The following DSCAM variants were observed in gnomAD, a reference collection of about 807,000 sequenced individuals.
DSCAM encodes the protein DS cell adhesion molecule.
In DSCAM, 47 loss-of-function variants were observed where a neutral mutation model predicts 217.7. That is an observed-to-expected ratio of 0.22 (90% confidence interval 0.17 to 0.28). The LOEUF is 0.28. Ranked by LOEUF, DSCAM falls within the 10% of genes least tolerant of loss-of-function variation. The pLI is 1.00. For synonymous variants in DSCAM, 1,056 were observed against 1,015.3 expected (o/e 1.04, Z -0.76); for missense variants, 2,080 against 2,618.3 (o/e 0.79, Z 4.49).
At chr21:40,426,236 C>G (rs2075473764) in intron 3 of DSCAM, among the ~76,000 whole-genome samples, 1 of 152,246 alleles carries the variant, frequency 6.6e-6, no homozygotes, top group South Asian at 2.1e-4. Context: ...ACTGCTGTCA[C>G]AGTTAACAGA....
intron 20 of DSCAM, among the ~76,000 whole-genome samples, chr21:40,099,850 T>C (rs1055583111): frequency 6.6e-6 from 1 of 152,158 alleles, no homozygotes; most frequent in Non-Finnish European, 1.5e-5. Context: ...TTCCCTCTTA[T>C]GGGTGGAAGA....
intron 3 of DSCAM, among the ~76,000 whole-genome samples, chr21:40,502,331 T>A (rs1160959176): frequency 6.6e-6 from 1 of 152,174 alleles, no homozygotes; most frequent in Non-Finnish European, 1.5e-5. Context: ...ATATCATACA[T>A]CATGGATTTT....
intron 6 of DSCAM, among the ~76,000 whole-genome samples, chr21:40,342,467 T>TTA (rs1429214421): frequency 2.6e-5 from 4 of 151,662 alleles, no homozygotes; most frequent in Non-Finnish European, 5.9e-5. Context: ...GCTTTATACT[T>TTA]TATATTCAAT....
intron 11 of DSCAM, among the ~76,000 whole-genome samples, chr21:40,273,488 G>T (rs1332717613): frequency 6.6e-6 from 1 of 152,182 alleles, no homozygotes; most frequent in African/African-American, 2.4e-5. Flanking sequence ...CGAACAGAGA[G>T]TTACTCTTGC....
At chr21:40,423,404 A>T (rs2075443417) in intron 3 of DSCAM, among the ~76,000 whole-genome samples, 1 of 152,166 alleles carries the variant, frequency 6.6e-6, no homozygotes, top group African/African-American at 2.4e-5. Context: ...CTTCCTAAAC[A>T]CACTGCGCAT....
intron 4 of DSCAM, among the ~76,000 whole-genome samples, chr21:40,358,728 G>A (rs905067473): frequency 5.3e-5 from 8 of 151,482 alleles, no homozygotes; most frequent in African/African-American, 1.9e-4. Flanking sequence ...CTTGAACCCG[G>A]GAAGCGGAGG....
chr21:40,195,506 G>C (rs867848821), intron 11 of DSCAM, among the ~76,000 whole-genome samples: 3 of 152,150 alleles, frequency 2.0e-5, no homozygotes, highest in South Asian at 2.1e-4. Flanking sequence ...ATCAGGATCT[G>C]ACTCTGATCG....
intron 6 of DSCAM, 70 bp from the exon 7 acceptor site, chr21:40,339,485 T>C (rs1188048161): frequency 2.8e-6 from 4 of 1,415,440 alleles, no homozygotes; most frequent in Non-Finnish European, 3.8e-6. Flanking sequence ...GTATATGTCT[T>C]TCATGTCTAG....
intron 3 of DSCAM, among the ~76,000 whole-genome samples, chr21:40,690,228 G>A (rs984472051): frequency 6.6e-6 from 1 of 152,200 alleles, no homozygotes; most frequent in Non-Finnish European, 1.5e-5. Context: ...CTCAGACACT[G>A]GGAACAGGGT....
In DSCAM at chr21:40,519,984, A is replaced by G. The variant is rs115716554; in HGVS notation, c.509-150739T>C. ...AACACATGACCTTCCTTCTTATAAC[A>G]TTCTAGACTCTAAAATTTGTTGCCC... is the stretch of plus-strand genomic sequence containing the variant. On this transcript the variant is annotated intron_variant, in intron 3 of 32. Coordinates refer to ENST00000400454, the MANE Select transcript of DSCAM (RefSeq NM_001389.5). 9.5e-3 allele frequency among the ~76,000 whole-genome samples: 1,445 copies of G among 152,196 alleles called. 30 individuals carry two copies. Among genetic ancestry groups the G allele is most frequent in the African/African-American group, 0.032 (1,332 of 41,508 alleles).
intron 19 of DSCAM, among the ~76,000 whole-genome samples, chr21:40,128,736 G>T (rs1332014945): frequency 6.6e-6 from 1 of 150,412 alleles, no homozygotes; most frequent in Non-Finnish European, 1.5e-5. Flanking sequence ...TATCCTGTGA[G>T]CCTGGGAGAC....
intron 32 of DSCAM, among the ~76,000 whole-genome samples, chr21:40,039,319 AAG>A (rs1491120371): frequency 6.6e-6 from 1 of 152,150 alleles, no homozygotes; most frequent in Admixed American, 6.5e-5. Flanking sequence ...CAAAAAAAAA[AAG>A]AATGGAAAAT....
At position 40,050,765 on chromosome 21, in the gene DSCAM, G is replaced by A. The variant is rs140555895; in HGVS notation, c.5185+1193C>T. Among the ~76,000 whole-genome samples, 286 of 152,240 alleles carry A rather than the reference G, an allele frequency of 1.9e-3. 1 individual carries two copies. Among genetic ancestry groups the A allele is most frequent in the African/African-American group, 5.3e-3 (219 of 41,548 alleles). ...CAAAGTGCTGGGATTGAGCCACTGC[G>A]CCCAGTCTGGATCATTTTTTAAGAG... On this transcript the variant is annotated intron_variant, in intron 30 of 32. Transcript: ENST00000400454.
intron 19 of DSCAM, among the ~76,000 whole-genome samples, 153 bp downstream of exon 19, chr21:40,133,701 G>T (rs1199922421): frequency 6.6e-6 from 1 of 152,178 alleles, no homozygotes; most frequent in Non-Finnish European, 1.5e-5. Flanking sequence ...AAGAGAGGAA[G>T]TTAATGGTCT....
intron 3 of DSCAM, among the ~76,000 whole-genome samples, chr21:40,502,560 GC>G (rs989769339): frequency 2.0e-5 from 3 of 152,070 alleles, no homozygotes; most frequent in Non-Finnish European, 2.9e-5. Context: ...TCTAGAGGCT[GC>G]CCAAACCCCT....
intron 3 of DSCAM, among the ~76,000 whole-genome samples, chr21:40,596,033 TAGCACAAGGCAG>T (rs1388340540): frequency 5.3e-5 from 8 of 152,152 alleles, no homozygotes; most frequent in Admixed American, 2.6e-4. Context: ...GCGCAAGAAC[TAGCACAAGGCAG>T]AGCACTAGGA....
chr21:40,075,442 AT>A (rs1379452474), intron 26 of DSCAM, among the ~76,000 whole-genome samples: 2 of 152,128 alleles, frequency 1.3e-5, no homozygotes, highest in African/African-American at 2.4e-5. Flanking sequence ...AAAGGACTTC[AT>A]TTTGCAATGC....
chr21:40,828,283 G>A (rs1168599991), intron 1 of DSCAM, among the ~76,000 whole-genome samples: 1 of 152,172 alleles, frequency 6.6e-6, no homozygotes, highest in Non-Finnish European at 1.5e-5. Context: ...AAGTCTTTAA[G>A]CAGATGGGAG....
At chr21:40,046,960 G>A (rs981723968) in intron 30 of DSCAM, among the ~76,000 whole-genome samples, 41 of 151,892 alleles carry the variant, frequency 2.7e-4, no homozygotes, top group African/African-American at 8.7e-4. Flanking sequence ...TGGGAAAGTC[G>A]CACATGCAGC....
Sources: gnomAD v4.1 joint callset for allele counts (sites outside exome capture counted in the v4.1 genomes callset) on GRCh38, gnomAD v4.1.1 for gene constraint, MANE v1.5 for transcripts, NCBI Gene and HGNC (gene_info 2026-07-23, HGNC 2026-07-21) for gene names.